The following TXK variants were observed in gnomAD, a reference collection of about 807,000 sequenced individuals.
TXK encodes the protein tyrosine-protein kinase TXK.
Under a neutral mutation model 81.0 loss-of-function variants are expected in TXK, and 60 were observed. The observed-to-expected ratio is 0.74, with a 90% CI of 0.60 to 0.92. The LOEUF (loss-of-function observed/expected upper bound fraction) is 0.92. Among genes scored for constraint, TXK ranks in the 40% least tolerant of loss-of-function variants. The pLI, the probability that TXK is intolerant of heterozygous loss-of-function variation, is 0.00. For synonymous variants in TXK, 203 were observed against 210.7 expected (o/e 0.96, Z 0.32); for missense variants, 581 against 638.3 (o/e 0.91, Z 0.97).
intron 11 of TXK, 87 bp from the exon 12 acceptor site, chr4:48,076,553 C>T (rs1348705022): frequency 4.9e-6 from 5 of 1,024,756 alleles, no homozygotes; most frequent in Non-Finnish European, 6.0e-6. Flanking sequence ...TTATTTGGAC[C>T]CCACACTACC....
At chr4:48,130,203 T>C (rs1035452801) in intron 1 of TXK, among the ~76,000 whole-genome samples, 1 of 152,230 alleles carries the variant, frequency 6.6e-6, no homozygotes, top group African/African-American at 2.4e-5. Flanking sequence ...AATCTGCGGC[T>C]TCTCCTGCTT....
At chr4:48,076,569 G>A in intron 11 of TXK, 103 bp from the exon 12 acceptor site, 4 of 878,702 alleles carry the variant, frequency 4.6e-6, no homozygotes, top group Non-Finnish European at 7.3e-6. Flanking sequence ...CTACCTCTCT[G>A]TGTGTACCGC....
intron 1 of TXK, among the ~76,000 whole-genome samples, chr4:48,131,874 G>A (rs1158366262): frequency 2.0e-5 from 3 of 152,140 alleles, no homozygotes; most frequent in Non-Finnish European, 4.4e-5. Context: ...AGTCACTGCT[G>A]AGCTTGTCCT....
chr4:48,123,235 ATAGT>A (rs984411181), intron 1 of TXK, among the ~76,000 whole-genome samples: 2 of 152,214 alleles, frequency 1.3e-5, no homozygotes, highest in African/African-American at 2.4e-5. Flanking sequence ...CTGTGATTTG[ATAGT>A]TAGGTACCCA....
chr4:48,100,199 A>G (rs1577667906), intron 6 of TXK, among the ~76,000 whole-genome samples: 1 of 147,492 alleles, frequency 6.8e-6, no homozygotes, highest in Non-Finnish European at 1.5e-5. Flanking sequence ...AAAAAAATGC[A>G]TAAAATAAAA....
Position 48,066,915 on chromosome 4 carries a change from A to G in TXK, c.*722T>C, listed in dbSNP as rs1183329234. The G allele has an allele frequency of 6.6e-6, 1 of 152,226 alleles. No homozygotes were observed. 9.4% of individuals were successfully genotyped at this position (152,226 alleles called of 1,614,324 possible). On this transcript the variant is annotated 3_prime_UTR_variant, in exon 15 of 15. Coordinates refer to ENST00000264316, the MANE Select transcript of TXK (RefSeq NM_003328.3). ...GTCCAATCTCACATGTAAAAAGTGTAAAATCACAGAACTAAAATCAGGTTC... is the reference window on the plus strand; with the variant it reads ...GTCCAATCTCACATGTAAAAAGTGTGAAATCACAGAACTAAAATCAGGTTC...
intron 1 of TXK, among the ~76,000 whole-genome samples, chr4:48,133,948 T>C (rs1423137264): frequency 6.6e-6 from 1 of 152,248 alleles, no homozygotes; most frequent in Non-Finnish European, 1.5e-5. Flanking sequence ...CTTTCATTTA[T>C]GTTCTCAATG....
In TXK at chr4:48,112,384, T is replaced by G; in HGVS notation, c.303A>C (p.Leu101Phe). Residue 101 changes from leucine (L) to phenylalanine (F), a missense_variant, in exon 4 of 15, where the codon TTA becomes TTC. Coordinates refer to ENST00000264316, the MANE Select transcript of TXK (RefSeq NM_003328.3). ...GGTATTCTTCTGCTCTCCTTAAGGC[T>G]AAATTACAGGGTTCTCTGGGCAGAA... is the stretch of plus-strand genomic sequence containing the variant. ...YDFLPREPCN[L>F]ALRRAEEYLI... 1 of 1,614,166 alleles carries G rather than the reference T, an allele frequency of 6.2e-7. No individual in the cohort carries two copies. Among genetic ancestry groups the G allele is most frequent in the Admixed American group, 1.7e-5 (1 of 60,018 alleles).
At chr4:48,123,274 T>C (rs181396328) in intron 1 of TXK, among the ~76,000 whole-genome samples, 11 of 152,350 alleles carry the variant, frequency 7.2e-5, no homozygotes, top group Admixed American at 3.3e-4. Context: ...GCTTTCTACA[T>C]GTACATAACT....
chr4:48,122,308 A>G (rs1304417845), intron 1 of TXK, among the ~76,000 whole-genome samples: 1 of 152,128 alleles, frequency 6.6e-6, no homozygotes, highest in Non-Finnish European at 1.5e-5. Context: ...CCACACCGCA[A>G]TGCTGCTGCT....
chr4:48,072,604 C>T (rs1716908182), intron 13 of TXK, among the ~76,000 whole-genome samples: 1 of 152,224 alleles, frequency 6.6e-6, no homozygotes, highest in Non-Finnish European at 1.5e-5. Context: ...TTCACTTATT[C>T]TACAAATATT....
intron 14 of TXK, among the ~76,000 whole-genome samples, chr4:48,069,653 G>A (rs1560336523): frequency 1.3e-5 from 2 of 152,040 alleles, no homozygotes; most frequent in African/African-American, 2.4e-5. Context: ...CAAATAAATC[G>A]ACATAACCAC....
chr4:48,133,405 A>G (rs1413045388), intron 1 of TXK, among the ~76,000 whole-genome samples: 1 of 152,170 alleles, frequency 6.6e-6, no homozygotes, highest in Non-Finnish European at 1.5e-5. Flanking sequence ...CTTCATATGT[A>G]GTATTATATA....
chr4:48,110,107 C>A (rs1718587573), intron 5 of TXK, among the ~76,000 whole-genome samples: 1 of 152,154 alleles, frequency 6.6e-6, no homozygotes, highest in Non-Finnish European at 1.5e-5. Flanking sequence ...AGTGAACATG[C>A]CAAACAGTTC....
intron 1 of TXK, among the ~76,000 whole-genome samples, chr4:48,126,667 A>AT (rs142842425): frequency 0.39 from 59,145 of 151,816 alleles, 11,867 homozygotes; most frequent in Admixed American, 0.47. Flanking sequence ...TACCCGGCTA[A>AT]TTTTTTTGGT....
intron 6 of TXK, among the ~76,000 whole-genome samples, chr4:48,097,018 G>A (rs931218874): frequency 1.3e-4 from 20 of 151,726 alleles, no homozygotes; most frequent in African/African-American, 4.8e-4. Context: ...TTCAACTCAA[G>A]AAATTAGGAT....
intron 1 of TXK, among the ~76,000 whole-genome samples, chr4:48,125,051 T>C (rs1206205562): frequency 6.6e-6 from 1 of 152,220 alleles, no homozygotes; most frequent in African/African-American, 2.4e-5. Context: ...TGACAGATAC[T>C]TAGATCTTAC....
intron 12 of TXK, among the ~76,000 whole-genome samples, chr4:48,074,561 T>C (rs1419515553): frequency 6.6e-6 from 1 of 152,146 alleles, no homozygotes; most frequent in African/African-American, 2.4e-5. Flanking sequence ...ATGACAAATC[T>C]CTAATGCACT....
chr4:48,118,831 C>T (rs990045331), intron 1 of TXK, among the ~76,000 whole-genome samples: 8 of 152,264 alleles, frequency 5.3e-5, no homozygotes, highest in African/African-American at 1.9e-4. Context: ...AAATCCCATA[C>T]CCAACTCTGA....
Sources: allele counts gnomAD v4.1 joint callset (sites outside exome capture counted in the v4.1 genomes callset), GRCh38; gene constraint gnomAD v4.1.1; transcripts MANE v1.5; gene names NCBI Gene and HGNC (gene_info 2026-07-23, HGNC 2026-07-21).